Variants in CSGALNACT1 observed in about 807,000 individuals in gnomAD.
CSGALNACT1 encodes the protein beta4GalNAcT-1.
CSGALNACT1 carries 52 observed loss-of-function variants against 51.0 expected under a neutral mutation model. The observed-to-expected ratio is 1.02, with a 90% CI of 0.82 to 1.29. The LOEUF (loss-of-function observed/expected upper bound fraction) is 1.29. Among genes scored for constraint, CSGALNACT1 ranks in the 50% most tolerant of loss-of-function variants. The pLI is 0.00. For missense variants in CSGALNACT1, 935 were observed against 679.2 expected, an observed-to-expected ratio of 1.38 and a Z score of -4.19; for synonymous variants, 341 against 254.4, an observed-to-expected ratio of 1.34 and a Z score of -3.24.
chr8:19,609,634 G>A (rs1271509341), intron 1 of CSGALNACT1, among the ~76,000 whole-genome samples: 2 of 150,870 alleles, frequency 1.3e-5, no homozygotes, highest in Admixed American at 1.3e-4. Flanking sequence ...CAGCACATCG[G>A]TGTTCACCTG....
chr8:19,431,536 C>CT lies in CSGALNACT1; in HGVS notation c.953+8293dup, dbSNP rs200459627. On this transcript the variant is annotated intron_variant, in intron 6 of 9. Coordinates refer to ENST00000454498, the Ensembl canonical transcript of CSGALNACT1. ...TCACACTTGGTAATTGCATATAATT[C>CT]TTTTTTTTTATGTTGTTGGATTCAG... Among the ~76,000 whole-genome samples the CT allele has an allele frequency of 2.9e-3, 436 of 150,442 alleles. 2 individuals are homozygous for CT. The highest frequency in any genetic ancestry group is 9.8e-3 in the African/African-American group (404 of 41,100).
chr8:19,743,526 G>C (rs151249529), intron 1 of CSGALNACT1, among the ~76,000 whole-genome samples: 1 of 152,146 alleles, frequency 6.6e-6, no homozygotes, highest in Admixed American at 6.5e-5. Flanking sequence ...CTAAATCAGC[G>C]ATGCGAATAT....
At chr8:19,597,236 C>A (rs900372527) in intron 2 of CSGALNACT1, among the ~76,000 whole-genome samples, 3 of 149,918 alleles carry the variant, frequency 2.0e-5, no homozygotes, top group African/African-American at 7.4e-5. Context: ...TTTCGTGTAT[C>A]CATTCATCTG....
intron 3 of CSGALNACT1, among the ~76,000 whole-genome samples, chr8:19,557,329 C>T (rs1564035484): frequency 6.6e-6 from 1 of 152,202 alleles, no homozygotes; most frequent in African/African-American, 2.4e-5. Context: ...ATTTGTCTCT[C>T]TTCAGACTAT....
At chr8:19,435,019 A>G (rs1163222969) in intron 6 of CSGALNACT1, among the ~76,000 whole-genome samples, 4 of 151,766 alleles carry the variant, frequency 2.6e-5, no homozygotes, top group Admixed American at 1.3e-4. Context: ...AACGACAACA[A>G]CCCTCTCCTA....
intron 4 of CSGALNACT1, among the ~76,000 whole-genome samples, chr8:19,504,408 A>G (rs960221669): frequency 6.6e-6 from 1 of 152,238 alleles, no homozygotes; most frequent in Non-Finnish European, 1.5e-5. Flanking sequence ...AAATGGGGAA[A>G]GAACTAGATG....
chr8:19,594,004 T>C (rs777531443), intron 2 of CSGALNACT1, among the ~76,000 whole-genome samples: 5 of 152,122 alleles, frequency 3.3e-5, no homozygotes, highest in Non-Finnish European at 7.4e-5. Context: ...GCTGGGGACA[T>C]CATGAATTGA....
intron 3 of CSGALNACT1, among the ~76,000 whole-genome samples, chr8:19,516,072 C>T (rs2079470630): frequency 6.6e-6 from 1 of 152,170 alleles, no homozygotes; most frequent in Admixed American, 6.5e-5. Context: ...CCGGTTCTCA[C>T]CCCAAACTGA....
chr8:19,541,139 GC>G (rs2085016032), intron 3 of CSGALNACT1, among the ~76,000 whole-genome samples: 1 of 151,954 alleles, frequency 6.6e-6, no homozygotes, highest in Non-Finnish European at 1.5e-5. Flanking sequence ...GAATGCAGTG[GC>G]ATGATCGCAG....
intron 8 of CSGALNACT1, among the ~76,000 whole-genome samples, chr8:19,408,949 A>C (rs933413377): frequency 7.0e-6 from 1 of 142,290 alleles, no homozygotes; most frequent in Non-Finnish European, 1.5e-5. Context: ...TAGATATGAA[A>C]ACACACACAC....
intron 4 of CSGALNACT1, among the ~76,000 whole-genome samples, chr8:19,482,179 A>C (rs1379115602): frequency 6.6e-6 from 1 of 152,166 alleles, no homozygotes; most frequent in Non-Finnish European, 1.5e-5. Context: ...TGGGAAACAG[A>C]ATGTTCGGTG....
chr8:19,509,891 T>A (rs1011608022), intron 3 of CSGALNACT1, among the ~76,000 whole-genome samples: 2 of 152,096 alleles, frequency 1.3e-5, no homozygotes, highest in Non-Finnish European at 2.9e-5. Flanking sequence ...CACAGCAGCA[T>A]TGAGCTACTA....
intron 3 of CSGALNACT1, among the ~76,000 whole-genome samples, chr8:19,562,929 T>C (rs972054376): frequency 6.6e-6 from 1 of 152,252 alleles, no homozygotes; most frequent in Admixed American, 6.5e-5. Flanking sequence ...CATTACTGGG[T>C]ATATACCCAA....
intron 3 of CSGALNACT1, among the ~76,000 whole-genome samples, chr8:19,561,209 T>C (rs1003729212): frequency 1.3e-5 from 2 of 152,218 alleles, no homozygotes; most frequent in Admixed American, 6.5e-5. Context: ...TGGAAGGTTA[T>C]GGACAATCTG....
At chr8:19,420,263 C>A (rs1300133491) in intron 7 of CSGALNACT1, 77 bp downstream of exon 6, 4 of 1,303,448 alleles carry the variant, frequency 3.1e-6, no homozygotes, top group African/African-American at 2.9e-5. Context: ...ATCAGAGTGA[C>A]TGACCCATCA....
chr8:19,750,186 C>T (rs2064942245), intron 1 of CSGALNACT1, among the ~76,000 whole-genome samples: 1 of 152,224 alleles, frequency 6.6e-6, no homozygotes, highest in Non-Finnish European at 1.5e-5. Flanking sequence ...TGTACCCAAA[C>T]CTTATTCTAC....
chr8:19,706,111 G>C (rs1443053359), intron 1 of CSGALNACT1, among the ~76,000 whole-genome samples: 1 of 152,040 alleles, frequency 6.6e-6, no homozygotes, highest in Non-Finnish European at 1.5e-5. Flanking sequence ...AATCATACAG[G>C]GCCCTTACAA....
intron 1 of CSGALNACT1, chr8:19,678,949 G>A (rs979996766): frequency 6.6e-6 from 1 of 152,180 alleles, no homozygotes; most frequent in Non-Finnish European, 1.5e-5. Flanking sequence ...CTGGGAGCTT[G>A]ACTGTCTCCT....
At chr8:19,455,594 T>C (rs2063934826) in intron 5 of CSGALNACT1, among the ~76,000 whole-genome samples, 1 of 152,222 alleles carries the variant, frequency 6.6e-6, no homozygotes, top group Non-Finnish European at 1.5e-5. Flanking sequence ...TTCTTTGGGT[T>C]TGAAATGCCA....
Sources: gnomAD v4.1 joint callset for allele counts (sites outside exome capture counted in the v4.1 genomes callset) on GRCh38, gnomAD v4.1.1 for gene constraint, MANE v1.5 for transcripts, NCBI Gene and HGNC (gene_info 2026-07-23, HGNC 2026-07-21) for gene names.